NFILZ: variants seen among roughly 807,000 people sequenced by gnomAD.
NFILZ encodes NFIL3 like protein.
chr19:8,631,781 G>A (rs1236683084), intron 1 of NFILZ, among the ~76,000 whole-genome samples: 16 of 151,856 alleles, frequency 1.1e-4, no homozygotes, highest in South Asian at 4.2e-4. Flanking sequence ...CTCTTGAAGC[G>A]TCTCTAGTGA....
intron 3 of NFILZ, among the ~76,000 whole-genome samples, chr19:8,666,397 A>C (rs2043062324): frequency 6.6e-6 from 1 of 151,446 alleles, no homozygotes; most frequent in Non-Finnish European, 1.5e-5. Context: ...GCTGGTCTTG[A>C]ACTCCTAGGC....
chr19:8,654,811 C>A (rs2042985190), intron 3 of NFILZ, among the ~76,000 whole-genome samples: 1 of 152,146 alleles, frequency 6.6e-6, no homozygotes, highest in Non-Finnish European at 1.5e-5. Context: ...GCCTCGGGGT[C>A]GCACCTCAGG....
chr19:8,663,756 G>A (rs1467365559), intron 3 of NFILZ, among the ~76,000 whole-genome samples: 17 of 148,282 alleles, frequency 1.1e-4, no homozygotes, highest in African/African-American at 2.3e-4. Flanking sequence ...GTGTGTGTGT[G>A]TGTGTGTGTG....
In NFILZ at chr19:8,656,789, G is replaced by A. The variant is rs1333937461; in HGVS notation, c.-163-17762G>A. On this transcript the variant is annotated intron_variant, in intron 3 of 5. Coordinates refer to ENST00000691075, the MANE Select transcript of NFILZ (RefSeq NM_001378600.1). ...GTGTGTGTGTAGCAGGGAACTGAAG[G>A]GGGGTCTGGAGGTCTCCAAAGATGA... Among the ~76,000 whole-genome samples the A allele has an allele frequency of 4.6e-5, 7 of 152,294 alleles. 1 individual carries two copies. The South Asian group carries it at 1.0e-3, about 23-fold the overall frequency.
At chr19:8,656,540 C>G (rs202214551) in intron 3 of NFILZ, among the ~76,000 whole-genome samples, 1 of 146,368 alleles carries the variant, frequency 6.8e-6, no homozygotes, top group African/African-American at 2.5e-5. Flanking sequence ...TCTGAAGCTC[C>G]CCTTCTCCCC....
intron 3 of NFILZ, among the ~76,000 whole-genome samples, chr19:8,636,611 T>C (rs1005356634): frequency 1.3e-5 from 2 of 150,268 alleles, no homozygotes; most frequent in Non-Finnish European, 3.0e-5. Context: ...TGCCCAGCTA[T>C]GTTTTTTTTT....
chr19:8,661,483 A>G (rs563016046), intron 3 of NFILZ, among the ~76,000 whole-genome samples: 1 of 152,308 alleles, frequency 6.6e-6, no homozygotes, highest in South Asian at 2.1e-4. Flanking sequence ...TGATTTCAAT[A>G]AGTGTATGAG....
chr19:8,635,815 CTT>C (rs1232550342), intron 3 of NFILZ, 69 bp downstream of exon 3: 1 of 152,006 alleles, frequency 6.6e-6, no homozygotes, highest in Non-Finnish European at 1.5e-5. Context: ...CTGACTTTCT[CTT>C]TCTCTCTTTA....
intron 3 of NFILZ, among the ~76,000 whole-genome samples, chr19:8,668,902 A>C (rs62117961): frequency 0.13 from 19,296 of 152,136 alleles, 1,337 homozygotes; most frequent in African/African-American, 0.15. Flanking sequence ...AGACATTTTC[A>C]ACACAGATAG....
In NFILZ at chr19:8,631,106, T is replaced by C. The variant is rs577181649; in HGVS notation, c.-411+362T>C. ...AACTCCTTTGATATTTTTTCCTCTG[T>C]AGCATTTTGGGGTACCAGGGGTTTC... On this transcript the variant is annotated intron_variant, in intron 1 of 5. Transcript: ENST00000691075. 1.1e-4 allele frequency among the ~76,000 whole-genome samples: 16 copies of C among 152,316 alleles called. No homozygotes were observed. In the South Asian group the frequency reaches 2.5e-3, roughly 24 times the overall value.
At chr19:8,639,936 T>A (rs1386604596) in intron 3 of NFILZ, among the ~76,000 whole-genome samples, 3 of 152,188 alleles carry the variant, frequency 2.0e-5, no homozygotes, top group African/African-American at 7.2e-5. Flanking sequence ...AAAGCCCTAC[T>A]GGGGTTGCCA....
intron 3 of NFILZ, among the ~76,000 whole-genome samples, chr19:8,656,445 C>T (rs1412201448): frequency 0.04 from 746 of 18,762 alleles, 88 homozygotes; most frequent in African/African-American, 0.075. Context: ...ACCTTCTCCT[C>T]GAAGCCCACC....
At chr19:8,659,275 A>C (rs1432235293) in intron 3 of NFILZ, among the ~76,000 whole-genome samples, 1 of 152,112 alleles carries the variant, frequency 6.6e-6, no homozygotes, top group African/African-American at 2.4e-5. Flanking sequence ...TTTTAAAAAG[A>C]AAGAGACATT....
At chr19:8,663,141 A>G (rs2043039731) in intron 3 of NFILZ, among the ~76,000 whole-genome samples, 1 of 150,824 alleles carries the variant, frequency 6.6e-6, no homozygotes, top group African/African-American at 2.4e-5. Flanking sequence ...TTGCTTTTTT[A>G]AGAGATGGGG....
chr19:8,646,174 T>G (rs550968672), intron 3 of NFILZ, among the ~76,000 whole-genome samples: 1 of 151,912 alleles, frequency 6.6e-6, no homozygotes, highest in Non-Finnish European at 1.5e-5. Flanking sequence ...GTAGCTGGGA[T>G]TATAGGTGTG....
chr19:8,651,349 A>G (rs2042964069), intron 3 of NFILZ, among the ~76,000 whole-genome samples: 1 of 151,934 alleles, frequency 6.6e-6, no homozygotes, highest in Admixed American at 6.6e-5. Flanking sequence ...TTTAGTAGAG[A>G]CGGGGCTTCA....
intron 3 of NFILZ, among the ~76,000 whole-genome samples, chr19:8,670,060 G>A (rs1835426545): frequency 6.6e-6 from 1 of 151,912 alleles, no homozygotes; most frequent in Admixed American, 6.6e-5. Flanking sequence ...CTCTACTCCA[G>A]GAAAACTTTT....
intron 3 of NFILZ, among the ~76,000 whole-genome samples, chr19:8,653,038 T>TTCTTTCTCCCTCTC (rs1555747925): frequency 1.1e-5 from 1 of 90,504 alleles, no homozygotes; most frequent in Non-Finnish European, 2.2e-5. Flanking sequence ...CTTTCTTTCT[T>TTCTTTCTCCCTCTC]TCTCTCTCTC....
intron 3 of NFILZ, among the ~76,000 whole-genome samples, chr19:8,641,878 G>C (rs1162285613): frequency 1.3e-5 from 2 of 151,770 alleles, no homozygotes; most frequent in African/African-American, 4.8e-5. Context: ...CAGGCTGCTG[G>C]AGTGCAGTGG....
Sources: allele counts gnomAD v4.1 joint callset (sites outside exome capture counted in the v4.1 genomes callset), GRCh38; gene constraint gnomAD v4.1.1; transcripts MANE v1.5; gene names NCBI Gene and HGNC (gene_info 2026-07-23, HGNC 2026-07-21).